The following RNF138 variants were observed in gnomAD, a reference collection of about 807,000 sequenced individuals.
RNF138 encodes the protein ring finger protein 138.
Under a neutral mutation model 31.0 loss-of-function variants are expected in RNF138, and 12 were observed. The observed-to-expected ratio is 0.39, with a 90% confidence interval of 0.25 to 0.63. RNF138 has a LOEUF of 0.63. Among genes scored for constraint, RNF138 ranks in the 20% least tolerant of loss-of-function variants. The pLI, the probability that RNF138 is intolerant of heterozygous loss-of-function variation, is 0.52. For missense variants in RNF138, 192 were observed against 300.1 expected (o/e 0.64, Z 2.66); for synonymous variants, 105 against 99.5 (o/e 1.06, Z -0.33).
At chr18:32,110,286 C>T (rs140642608) in intron 2 of RNF138, among the ~76,000 whole-genome samples, 239 of 152,288 alleles carry the variant, frequency 1.6e-3, no homozygotes, top group African/African-American at 5.6e-3. Context: ...AGCCACTACG[C>T]CCTGCCTAAT....
rs1310311957 is a variant in RNF138 at position 32,129,120 on chromosome 18, A to G, written c.671A>G (p.Asn224Ser). The G allele has an allele frequency of 9.3e-6, 15 of 1,604,486 alleles. No individual in the cohort carries two copies. The highest frequency in any genetic ancestry group is 1.3e-5 in the African/African-American group (1 of 74,856). ...RHQFDYGEFV[N>S]LQLDEETQYQ... Reference sequence around the variant, plus strand: ...TGACATGAATGTTATTGTTTTTAGAATCTTCAGCTAGATGAAGAAACCCAA... The same window carrying G: ...TGACATGAATGTTATTGTTTTTAGAGTCTTCAGCTAGATGAAGAAACCCAA... The change falls in exon 8 of 8, where the codon AAT becomes AGT. Residue 224 changes from asparagine (N) to serine (S), a missense_variant and splice_region_variant. This residue lies in a region of RNF138 where 140 missense variants were observed against 251.7 expected (regional missense o/e 0.56). Transcript: ENST00000261593.
chr18:32,092,927 G>T, intron 2 of RNF138, 41 bp downstream of exon 2: 1 of 1,234,964 alleles, frequency 8.1e-7, no homozygotes, highest in Non-Finnish European at 1.1e-6. Context: ...CCGGGTTGTC[G>T]CTTAGGCCCG....
At chr18:32,113,894 C>G in intron 4 of RNF138, 34 bp downstream of exon 4, 1 of 1,069,280 alleles carries the variant, frequency 9.4e-7, no homozygotes, top group Non-Finnish European at 1.4e-6. Flanking sequence ...ACAGAATTTT[C>G]ATAATTGAAA....
intron 2 of RNF138, among the ~76,000 whole-genome samples, chr18:32,110,263 G>A (rs2040104741): frequency 1.3e-5 from 2 of 152,158 alleles, no homozygotes; most frequent in Non-Finnish European, 2.9e-5. Context: ...AAAGCACTGG[G>A]ATTATAGGCA....
At chr18:32,106,596 G>A (rs576075713) in intron 2 of RNF138, among the ~76,000 whole-genome samples, 20 of 151,060 alleles carry the variant, frequency 1.3e-4, no homozygotes, top group East Asian at 3.9e-4. Context: ...ATGGAGTCTC[G>A]CTCTGTCACA....
intron 2 of RNF138, among the ~76,000 whole-genome samples, chr18:32,105,406 A>G (rs755676559): frequency 5.9e-5 from 9 of 152,198 alleles, no homozygotes; most frequent in Non-Finnish European, 1.2e-4. Flanking sequence ...TATGGTGTTC[A>G]TTCAGCAGTA....
intron 2 of RNF138, among the ~76,000 whole-genome samples, chr18:32,093,829 C>T (rs920548316): frequency 9.2e-5 from 14 of 152,202 alleles, no homozygotes; most frequent in African/African-American, 3.4e-4. Flanking sequence ...GCCCTTCTGA[C>T]AGACCTGACT....
At chr18:32,092,348 G>A (rs2039705371) in intron 1 of RNF138, 113 bp downstream of exon 1, 1 of 162,784 alleles carries the variant, frequency 6.1e-6, no homozygotes, top group Admixed American at 6.5e-5. Flanking sequence ...GGTGAGTAGA[G>A]GCGGAAAAGC....
intron 2 of RNF138, among the ~76,000 whole-genome samples, chr18:32,106,133 G>T (rs1258924859): frequency 6.6e-6 from 1 of 152,164 alleles, no homozygotes. Flanking sequence ...TTAGGGTGAA[G>T]TGTTTATTAG....
chr18:32,113,629 A>G, intron 3 of RNF138, 116 bp from the exon 4 acceptor site: 2 of 516,366 alleles, frequency 3.9e-6, no homozygotes, highest in Non-Finnish European at 6.7e-6. Flanking sequence ...CTTTAAAAAA[A>G]TACAACTCCT....
At chr18:32,100,668 G>T (rs112725008) in intron 2 of RNF138, among the ~76,000 whole-genome samples, 1,676 of 152,134 alleles carry the variant, frequency 0.011, 37 homozygotes, top group African/African-American at 0.039. Context: ...AGAGACGGGG[G>T]TTTCACCATG....
intron 2 of RNF138, among the ~76,000 whole-genome samples, chr18:32,107,084 CTG>C (rs1230498748): frequency 6.8e-6 from 1 of 147,784 alleles, no homozygotes; most frequent in African/African-American, 2.5e-5. Flanking sequence ...TGTGTGTTAA[CTG>C]TCTCTGGTTA....
intron 3 of RNF138, among the ~76,000 whole-genome samples, chr18:32,113,116 A>G (rs1390301154): frequency 1.3e-5 from 2 of 152,174 alleles, no homozygotes. Context: ...TTTGTCACCC[A>G]GGCTGGAGTA....
intron 4 of RNF138, among the ~76,000 whole-genome samples, chr18:32,123,251 A>G (rs952217761): frequency 6.6e-6 from 1 of 152,212 alleles, no homozygotes; most frequent in East Asian, 1.9e-4. Flanking sequence ...GTAACTGTGC[A>G]TAAGTTAATT....
At chr18:32,093,392 C>T (rs1313261364) in intron 2 of RNF138, among the ~76,000 whole-genome samples, 1 of 152,194 alleles carries the variant, frequency 6.6e-6, no homozygotes, top group Admixed American at 6.5e-5. Flanking sequence ...GAACCTTGGT[C>T]CGTCCCCTCG....
chr18:32,106,944 T>G (rs1390379257), intron 2 of RNF138, among the ~76,000 whole-genome samples: 1 of 152,062 alleles, frequency 6.6e-6, no homozygotes, highest in Non-Finnish European at 1.5e-5. Context: ...CCTTCACTTG[T>G]CTCTATTCTG....
intron 2 of RNF138, among the ~76,000 whole-genome samples, chr18:32,099,801 A>G (rs545801458): frequency 2.0e-5 from 3 of 152,384 alleles, no homozygotes; most frequent in South Asian, 4.1e-4. Context: ...TGCAAGCTTT[A>G]TAAAGAAAGC....
At chr18:32,093,132 C>A (rs576066507) in intron 2 of RNF138, among the ~76,000 whole-genome samples, 1 of 151,794 alleles carries the variant, frequency 6.6e-6, no homozygotes, top group Non-Finnish European at 1.5e-5. Flanking sequence ...CTCCCGCTCT[C>A]CCGCTCTCCC....
At chr18:32,126,649 A>G in intron 6 of RNF138, 44 bp from the exon 7 acceptor site, 1 of 1,149,438 alleles carries the variant, frequency 8.7e-7, no homozygotes, top group Non-Finnish European at 1.3e-6. Flanking sequence ...ATAATATTTC[A>G]TTGTTTTTAT....
Sources: gnomAD v4.1 joint callset for allele counts (sites outside exome capture counted in the v4.1 genomes callset) on GRCh38, gnomAD v4.1.1 for gene constraint, gnomAD v4.1.1 regional missense constraint, MANE v1.5 for transcripts, NCBI Gene and HGNC (gene_info 2026-07-23, HGNC 2026-07-21) for gene names.